ERCC4: variants seen among roughly 807,000 people sequenced by gnomAD.
ERCC4 encodes the protein ERCC excision repair 4, endonuclease catalytic subunit.
In ERCC4, 65 loss-of-function variants were observed where a neutral mutation model predicts 76.9. The observed-to-expected ratio is 0.84, with a 90% CI of 0.69 to 1.04. The LOEUF (loss-of-function observed/expected upper bound fraction) is 1.04, where lower values mean the gene tolerates loss of function less well. Ranked by LOEUF, ERCC4 falls within the 50% of genes least tolerant of loss-of-function variation. The pLI is 0.00. For missense variants in ERCC4, 1,214 were observed against 1,128.2 expected, an observed-to-expected ratio of 1.08 and a Z score of -1.09; for synonymous variants, 463 against 410.1, an observed-to-expected ratio of 1.13 and a Z score of -1.56.
intron 10 of ERCC4, among the ~76,000 whole-genome samples, chr16:13,945,751 C>T (rs3136210): frequency 0.059 from 8,921 of 152,200 alleles, 898 homozygotes; most frequent in African/African-American, 0.2. Flanking sequence ...AAAGAAGATT[C>T]TTTGAAATAT....
chr16:13,932,048 AG>A, intron 5 of ERCC4, 108 bp from the exon 6 acceptor site: 5 of 927,648 alleles, frequency 5.4e-6, no homozygotes, highest in Non-Finnish European at 8.8e-6. Flanking sequence ...TGTGGTTGGT[AG>A]GAAGACAGGA....
chr16:13,921,515 T>C, intron 1 of ERCC4, among the ~76,000 whole-genome samples: 1 of 152,118 alleles, frequency 6.6e-6, no homozygotes, highest in South Asian at 2.1e-4. Context: ...GCATAGGGCC[T>C]AAGGCAACAC....
Position 13,935,507 on chromosome 16 carries a change from C to G in ERCC4, c.1575C>G (p.Cys525Trp), listed in dbSNP as rs779170299. 85 of 1,613,950 alleles carry G rather than the reference C, an allele frequency of 5.3e-5. No homozygotes were observed. The highest frequency in any genetic ancestry group is 6.7e-5 in the Non-Finnish European group (79 of 1,179,992). ...RREISSSPES[C>W]PEEIKHEEFD... Reference sequence around the variant, plus strand: ...AAATAAGCAGTAGCCCAGAAAGCTGCCCGGAAGAAATTAAGCATGAAGAAT... The same window carrying G: ...AAATAAGCAGTAGCCCAGAAAGCTGGCCGGAAGAAATTAAGCATGAAGAAT... The change falls in exon 8 of 11, where the codon TGC (cysteine) becomes TGG (tryptophan). Residue 525 changes from cysteine (C) to tryptophan (W), a missense_variant. Physicochemically the swap from Cys to Trp is radical, Grantham distance 215. Transcript: ENST00000311895.
At chr16:13,942,000 C>T (rs568672101) in intron 9 of ERCC4, among the ~76,000 whole-genome samples, 2 of 152,194 alleles carry the variant, frequency 1.3e-5, no homozygotes, top group South Asian at 4.1e-4. Flanking sequence ...GAGAGGATCA[C>T]TTGAGCCCAG....
intron 5 of ERCC4, 40 bp from the exon 6 acceptor site, chr16:13,932,117 A>G (rs1043942087): frequency 1.9e-6 from 3 of 1,587,506 alleles, no homozygotes; most frequent in Non-Finnish European, 2.6e-6. Context: ...TAAATTAACC[A>G]TAAATTGATG....
Position 13,948,060 on chromosome 16 carries a change from C to G in ERCC4, c.2464C>G (p.Gln822Glu). 6.2e-7 allele frequency: 1 copy of G among 1,614,172 alleles called. No individual in the cohort carries two copies. Among genetic ancestry groups the G allele is most frequent in the Non-Finnish European group, 8.5e-7 (1 of 1,180,034 alleles). ...TGAGGAGCTGAAACAAAGCAAGCCA[C>G]AGCCTGATGCGGCGACAGCACTGGC... ...LFEELKQSKP[Q>E]PDAATALAIT... Residue 822 changes from glutamine to glutamate, a missense_variant, in exon 11 of 11, where the codon CAG becomes GAG. Transcript: ENST00000311895.
intron 9 of ERCC4, among the ~76,000 whole-genome samples, chr16:13,938,168 A>G (rs1285756615): frequency 1.3e-5 from 2 of 152,164 alleles, no homozygotes; most frequent in Non-Finnish European, 2.9e-5. Flanking sequence ...AAATATAGCT[A>G]AAATACTGCT....
rs2141621589 is a variant in ERCC4, at chr16:13,948,337, G to A, written c.2741G>A (p.Gly914Glu). 1 of 1,610,782 alleles carries A rather than the reference G, an allele frequency of 6.2e-7. No individual in the cohort carries two copies. Among genetic ancestry groups the A allele is most frequent in the Non-Finnish European group, 8.5e-7 (1 of 1,179,990 alleles). ...GCAGAAGTCGTATCAAAAGGAAAAG[G>A]GAAAAAGTGAACAGTGATGGCTGTT... ...SFAEVVSKGKGKK is the reference protein window; with the variant it reads ...SFAEVVSKGKEKK The change falls in exon 11 of 11, where the codon GGG becomes GAG. Residue 914 changes from glycine to glutamate, a missense_variant. Physicochemically the swap from Gly to Glu is moderately conservative, Grantham distance 98. Coordinates refer to ENST00000311895, the MANE Select transcript of ERCC4 (RefSeq NM_005236.3).
chr16:13,920,180 G>T lies in ERCC4; in HGVS notation c.15G>T (p.Gln5His). 6.2e-7 allele frequency: 1 copy of T among 1,605,850 alleles called. No homozygotes were observed. The highest frequency in any genetic ancestry group is 1.1e-5 in the South Asian group (1 of 91,068). ...GAAGAGCTTCCATGGAGTCAGGGCA[G>T]CCGGCTCGACGGATTGCCATGGCGC... MESG[Q>H]PARRIAMAPL... is the part of the protein sequence containing the mutation. Residue 5 changes from glutamine (Q) to histidine (H), a missense_variant, in exon 1 of 11, where the codon CAG becomes CAT. Gln to His is a conservative substitution (Grantham distance 24). Coordinates refer to ENST00000311895, the MANE Select transcript of ERCC4 (RefSeq NM_005236.3).
At chr16:13,926,779 T>C (rs2032081166) in intron 3 of ERCC4, 23 bp downstream of exon 3, 2 of 1,544,482 alleles carry the variant, frequency 1.3e-6, no homozygotes, top group Admixed American at 3.3e-5. Context: ...ATGTGACAAA[T>C]AATGATGACA....
chr16:13,939,294 A>C (rs567232362), intron 9 of ERCC4, among the ~76,000 whole-genome samples: 72 of 152,236 alleles, frequency 4.7e-4, no homozygotes, highest in African/African-American at 1.7e-3. Flanking sequence ...GCTAATATTA[A>C]AGTGCTGAGG....
rs115183774 is a variant in ERCC4, at chr16:13,951,472, A to G, written c.*3125A>G. The G allele has an allele frequency of 0.015, 3,173 of 208,914 alleles. 111 individuals are homozygous for G. The highest frequency in any genetic ancestry group is 0.064 in the African/African-American group (2,825 of 44,124). The allele number at this position is 208,914 out of a possible 1,614,324, so 12.9% of individuals were successfully genotyped here. A position where few individuals can be genotyped will look rare whatever the true frequency, so the allele number is the denominator to read the frequency against. ...CTTTCTTAAAATTGTGCAAGAAGAAATCATTTTTAGTAGTGGTCATAAATA... is the reference window on the plus strand; with the variant it reads ...CTTTCTTAAAATTGTGCAAGAAGAAGTCATTTTTAGTAGTGGTCATAAATA... On this transcript the variant is annotated 3_prime_UTR_variant, in exon 11 of 11. Coordinates refer to ENST00000311895, the MANE Select transcript of ERCC4 (RefSeq NM_005236.3).
chr16:13,921,568 A>T (rs1212681340), intron 1 of ERCC4, among the ~76,000 whole-genome samples: 2 of 152,140 alleles, frequency 1.3e-5, no homozygotes, highest in African/African-American at 2.4e-5. Flanking sequence ...GATATAAATA[A>T]ACCAAGCCAA....
At chr16:13,946,615 C>T (rs781448800) in intron 10 of ERCC4, among the ~76,000 whole-genome samples, 1 of 152,198 alleles carries the variant, frequency 6.6e-6, no homozygotes, top group African/African-American at 2.4e-5. Context: ...ATTATTCTGC[C>T]TACAGCAGCC....
At chr16:13,930,377 C>T (rs193250210) in intron 4 of ERCC4, among the ~76,000 whole-genome samples, 2 of 152,134 alleles carry the variant, frequency 1.3e-5, no homozygotes, top group East Asian at 3.9e-4. Flanking sequence ...AATTGATTAT[C>T]TGATGTTTAT....
At position 13,938,048 on chromosome 16, in the gene ERCC4, G is replaced by A. The variant is rs3136165; in HGVS notation, c.1904+190G>A. Among the ~76,000 whole-genome samples the A allele has an allele frequency of 0.012, 1,745 of 150,614 alleles. 14 individuals carry two copies. The highest frequency in any genetic ancestry group is 0.018 in the Non-Finnish European group (1,212 of 67,610). On this transcript the variant is annotated intron_variant, in intron 9 of 10. Coordinates refer to ENST00000311895, the MANE Select transcript of ERCC4 (RefSeq NM_005236.3). ...CACATACTTCCTTTTTCTCTTCCCCGTCTCTTCCTTCATCTCCAGTTGCTT... is the reference window on the plus strand; with the variant it reads ...CACATACTTCCTTTTTCTCTTCCCCATCTCTTCCTTCATCTCCAGTTGCTT...
intron 2 of ERCC4, chr16:13,922,569 C>G: frequency 1.4e-6 from 1 of 698,014 alleles, no homozygotes; most frequent in Non-Finnish European, 2.6e-6. Context: ...TGACGAATTT[C>G]TTAATGGCTT....
At chr16:13,920,996 G>A (rs748502119) in intron 1 of ERCC4, among the ~76,000 whole-genome samples, 1 of 152,184 alleles carries the variant, frequency 6.6e-6, no homozygotes, top group Non-Finnish European at 1.5e-5. Flanking sequence ...CGCTGCAGGG[G>A]AGGGGGAGAT....
intron 5 of ERCC4, 109 bp from the exon 6 acceptor site, chr16:13,932,048 A>G: frequency 1.1e-6 from 1 of 927,766 alleles, no homozygotes; most frequent in South Asian, 1.3e-5. Context: ...TGTGGTTGGT[A>G]GGAAGACAGG....
Sources: allele counts gnomAD v4.1 joint callset (sites outside exome capture counted in the v4.1 genomes callset), GRCh38; gene constraint gnomAD v4.1.1; transcripts MANE v1.5; gene names NCBI Gene and HGNC (gene_info 2026-07-23, HGNC 2026-07-21).